PRKCB: variants seen among roughly 807,000 people sequenced by gnomAD.
The protein encoded by PRKCB is protein kinase C beta type.
In PRKCB, 13 loss-of-function variants were observed where a neutral mutation model predicts 81.5. That is an observed-to-expected ratio of 0.16 (90% CI 0.10 to 0.25). The LOEUF (loss-of-function observed/expected upper bound fraction) is 0.25, where lower values mean the gene tolerates loss of function less well. Ranked by LOEUF, PRKCB falls within the 10% of genes least tolerant of loss-of-function variation. The pLI, the probability that PRKCB is intolerant of heterozygous loss-of-function variation, is 1.00. For synonymous variants in PRKCB, 335 were observed against 321.4 expected, an observed-to-expected ratio of 1.04 and a Z score of -0.45; for missense variants, 509 against 875.7, an observed-to-expected ratio of 0.58 and a Z score of 5.29.
At position 24,220,242 on chromosome 16, in the gene PRKCB, G is replaced by T; in HGVS notation, c.*5426G>T. On this transcript the variant is annotated 3_prime_UTR_variant, in exon 17 of 17. Coordinates refer to ENST00000643927, the MANE Select transcript of PRKCB (RefSeq NM_002738.7). ...ACATGTGGAAAGCTTGTCTTAGAGG[G>T]CTTTTCTTTGTATGTGTAGCTTGCT... is the stretch of plus-strand genomic sequence containing the variant. The T allele has an allele frequency of 1.7e-6, 2 of 1,158,898 alleles. No individual in the cohort carries two copies. The highest frequency in any genetic ancestry group is 1.6e-5 in the South Asian group (1 of 62,252). The allele number at this position is 1,158,898 out of a possible 1,614,324, so 71.8% of individuals were successfully genotyped here.
chr16:24,213,696 G>A (rs575826613), intron 16 of PRKCB, among the ~76,000 whole-genome samples: 27 of 152,250 alleles, frequency 1.8e-4, no homozygotes, highest in East Asian at 1.2e-3. Flanking sequence ...TGTGCAAATG[G>A]GTTTTGCTGG....
chr16:24,022,714 C>T (rs1054243191), intron 3 of PRKCB, among the ~76,000 whole-genome samples: 2 of 152,118 alleles, frequency 1.3e-5, no homozygotes, highest in African/African-American at 2.4e-5. Context: ...AGGATGGTCT[C>T]GATCTCCTGA....
At chr16:24,069,561 T>C (rs1966081361) in intron 5 of PRKCB, among the ~76,000 whole-genome samples, 1 of 152,110 alleles carries the variant, frequency 6.6e-6, no homozygotes, top group Non-Finnish European at 1.5e-5. Flanking sequence ...TGCAACATAG[T>C]GAGACCCCAT....
chr16:24,020,090 A>G (rs1567346182), intron 3 of PRKCB, among the ~76,000 whole-genome samples: 1 of 152,216 alleles, frequency 6.6e-6, no homozygotes, highest in Non-Finnish European at 1.5e-5. Context: ...CCACAGGATG[A>G]CACCAATTGG....
At chr16:24,043,812 G>A (rs1326942114) in intron 5 of PRKCB, among the ~76,000 whole-genome samples, 1 of 152,190 alleles carries the variant, frequency 6.6e-6, no homozygotes, top group Non-Finnish European at 1.5e-5. Flanking sequence ...GCTGGGACCT[G>A]CAGGGCTGTG....
At chr16:24,153,832 C>T (rs972190031) in intron 9 of PRKCB, among the ~76,000 whole-genome samples, 2 of 152,224 alleles carry the variant, frequency 1.3e-5, no homozygotes, top group African/African-American at 4.8e-5. Context: ...ATTTCTTCCT[C>T]TCTGGAGTTA....
In PRKCB at chr16:24,053,573, C is replaced by T. The variant is rs146640773; in HGVS notation, c.529+18026C>T. 5.0e-3 allele frequency among the ~76,000 whole-genome samples: 760 copies of T among 152,078 alleles called. 5 individuals are homozygous for T. Among genetic ancestry groups the T allele is most frequent in the African/African-American group, 0.017 (723 of 41,430 alleles). On this transcript the variant is annotated intron_variant, in intron 5 of 16. Coordinates refer to ENST00000643927, the MANE Select transcript of PRKCB (RefSeq NM_002738.7). Reference sequence around the variant, plus strand: ...GTAAGCTAAGGGGAAAAAGAAAAAACGGAAAAAGAGGATGGGAAGGAGGCA... The same window carrying T: ...GTAAGCTAAGGGGAAAAAGAAAAAATGGAAAAAGAGGATGGGAAGGAGGCA...
chr16:24,027,591 C>T (rs1309322483), intron 3 of PRKCB, among the ~76,000 whole-genome samples: 1 of 152,170 alleles, frequency 6.6e-6, no homozygotes, highest in Non-Finnish European at 1.5e-5. Context: ...GACCTCGCTT[C>T]TCAAACTTGG....
At position 23,996,341 on chromosome 16, in the gene PRKCB, G is replaced by C. The variant is rs149566508; in HGVS notation, c.288+7751G>C. ...ATGGGCTCATGAACAAAGTGGCCGTGGTGGCAGGGATGGAGGTTATGCATG... is the reference window on the plus strand; with the variant it reads ...ATGGGCTCATGAACAAAGTGGCCGTCGTGGCAGGGATGGAGGTTATGCATG... On this transcript the variant is annotated intron_variant, in intron 3 of 16. Transcript: ENST00000643927. 6.9e-3 allele frequency among the ~76,000 whole-genome samples: 1,048 copies of C among 152,306 alleles called. 4 individuals carry two copies. The highest frequency in any genetic ancestry group is 0.011 in the Non-Finnish European group (716 of 68,028).
chr16:23,892,325 C>G (rs755767955), intron 2 of PRKCB, among the ~76,000 whole-genome samples: 1 of 152,120 alleles, frequency 6.6e-6, no homozygotes, highest in Non-Finnish European at 1.5e-5. Context: ...AGACTGACAA[C>G]GAGTGGTTAA....
At position 24,014,896 on chromosome 16, in the gene PRKCB, C is replaced by T. The variant is rs139289130; in HGVS notation, c.289-17240C>T. ...GCAACCTCCACCTCCTGGGTTCGAG[C>T]AATTCTCCTGCCTCAACTTCCTCCC... On this transcript the variant is annotated intron_variant, in intron 3 of 16. Coordinates refer to ENST00000643927, the MANE Select transcript of PRKCB (RefSeq NM_002738.7). Among the ~76,000 whole-genome samples the T allele has an allele frequency of 8.3e-3, 1,265 of 152,250 alleles. 13 individuals are homozygous for T. Among genetic ancestry groups the T allele is most frequent in the African/African-American group, 0.016 (658 of 41,530 alleles).
At chr16:24,040,564 G>A (rs1965685862) in intron 5 of PRKCB, among the ~76,000 whole-genome samples, 1 of 152,130 alleles carries the variant, frequency 6.6e-6, no homozygotes. Flanking sequence ...GCTCCATGAG[G>A]GCGGGACTGT....
rs546796220 is a variant in PRKCB, at chr16:23,947,795, G to T, written c.206-40713G>T. Reference sequence around the variant, plus strand: ...GCCTAAACGACATCTCCAGGGAATGGCTACTCATTGGGCACATATGAGCCA... The same window carrying T: ...GCCTAAACGACATCTCCAGGGAATGTCTACTCATTGGGCACATATGAGCCA... On this transcript the variant is annotated intron_variant, in intron 2 of 16. Transcript: ENST00000643927. Among the ~76,000 whole-genome samples, 4 of 151,966 alleles carry T rather than the reference G, an allele frequency of 2.6e-5. No homozygotes were observed. The South Asian group carries it at 8.3e-4, about 32-fold the overall frequency.
intron 7 of PRKCB, chr16:24,110,943 TA>T (rs1310948892): frequency 6.6e-6 from 1 of 152,192 alleles, no homozygotes; most frequent in Non-Finnish European, 1.5e-5. Context: ...AATTTATTAT[TA>T]AAAAAGTAAA....
chr16:23,976,812 A>G (rs2141808757), intron 2 of PRKCB, among the ~76,000 whole-genome samples: 1 of 152,306 alleles, frequency 6.6e-6, no homozygotes, highest in African/African-American at 2.4e-5. Flanking sequence ...CCACCCAAAC[A>G]GGAAGGATGT....
At chr16:24,026,503 G>A (rs1323063648) in intron 3 of PRKCB, among the ~76,000 whole-genome samples, 61 of 152,148 alleles carry the variant, frequency 4.0e-4, no homozygotes, top group Admixed American at 4.0e-3. Flanking sequence ...AACCAACAGA[G>A]GCAACTTATT....
rs148265739 is a variant in PRKCB, at chr16:24,058,714, T to G, written c.529+23167T>G. On this transcript the variant is annotated intron_variant, in intron 5 of 16. Transcript: ENST00000643927. ...TTTCTGGTGTGTTCAGACCATAGATTGTAGCTATGAAGTCTGATTAATGCC... is the reference window on the plus strand; with the variant it reads ...TTTCTGGTGTGTTCAGACCATAGATGGTAGCTATGAAGTCTGATTAATGCC... Among the ~76,000 whole-genome samples, 146 of 152,302 alleles carry G rather than the reference T, an allele frequency of 9.6e-4. 1 individual carries two copies. Among genetic ancestry groups the G allele is most frequent in the African/African-American group, 3.4e-3 (142 of 41,574 alleles).
chr16:24,017,567 A>T (rs1275327564), intron 3 of PRKCB, among the ~76,000 whole-genome samples: 1 of 152,224 alleles, frequency 6.6e-6, no homozygotes, highest in Non-Finnish European at 1.5e-5. Context: ...ACAAAATTAA[A>T]AGGCAAATGA....
chr16:24,206,278 T>A (rs977551012), intron 16 of PRKCB, among the ~76,000 whole-genome samples: 5 of 152,214 alleles, frequency 3.3e-5, no homozygotes, highest in Non-Finnish European at 7.3e-5. Flanking sequence ...CCCTCCTGTA[T>A]TCGGCTGTGG....
Sources: allele counts gnomAD v4.1 joint callset (sites outside exome capture counted in the v4.1 genomes callset), GRCh38; gene constraint gnomAD v4.1.1; transcripts MANE v1.5; gene names NCBI Gene and HGNC (gene_info 2026-07-23, HGNC 2026-07-21).